Variants in TXNL1 observed in about 807,000 individuals in gnomAD.
The protein encoded by TXNL1 is thioredoxin like 1, also known as thioredoxin-like protein 1.
Under a neutral mutation model 35.5 loss-of-function variants are expected in TXNL1, and 14 were observed. That is an observed-to-expected ratio of 0.39 (90% CI 0.26 to 0.62). TXNL1 has a LOEUF of 0.62. TXNL1 is among the 20% of genes least tolerant of loss of function. The pLI is 0.47. For missense variants in TXNL1, 263 were observed against 349.7 expected (o/e 0.75, Z 1.98); for synonymous variants, 110 against 115.5 (o/e 0.95, Z 0.31).
rs533559584 is a variant in TXNL1, at chr18:56,621,657, A to C, written c.369+2631T>G. Reference sequence around the variant, plus strand: ...TTGCTACCTTTATAATCAACATGCCAATCATGGGAAAATAATCAGGTTAAT... The same window carrying C: ...TTGCTACCTTTATAATCAACATGCCCATCATGGGAAAATAATCAGGTTAAT... On this transcript the variant is annotated intron_variant, in intron 3 of 7. Coordinates refer to ENST00000217515, the MANE Select transcript of TXNL1 (RefSeq NM_004786.3). Among the ~76,000 whole-genome samples the C allele has an allele frequency of 9.8e-5, 15 of 152,338 alleles. No homozygotes were observed. The South Asian group carries it at 3.1e-3, about 32-fold the overall frequency.
intron 1 of TXNL1, among the ~76,000 whole-genome samples, chr18:56,634,057 A>G (rs150553464): frequency 6.6e-6 from 1 of 151,944 alleles, no homozygotes; most frequent in African/African-American, 2.4e-5. Flanking sequence ...AGGGACAACG[A>G]ACGACACAAT....
chr18:56,631,149 G>A (rs1027098701), intron 1 of TXNL1, among the ~76,000 whole-genome samples: 2 of 152,004 alleles, frequency 1.3e-5, no homozygotes, highest in African/African-American at 4.8e-5. Flanking sequence ...CAAAGTACTG[G>A]GATTACAAGT....
At position 56,600,342 on chromosome 18, in the gene TXNL1, C is replaced by G. The variant is rs2023796416; in HGVS notation, c.*2685G>C. Reference sequence around the variant, plus strand: ...CTGGGGAACAATGTGGGGCAGGTTTCAACTCTAATTGTTACGTGGCTGCCT... The same window carrying G: ...CTGGGGAACAATGTGGGGCAGGTTTGAACTCTAATTGTTACGTGGCTGCCT... On this transcript the variant is annotated 3_prime_UTR_variant, in exon 8 of 8. Transcript: ENST00000217515. 3 of 151,610 alleles carry G rather than the reference C, an allele frequency of 2.0e-5. No homozygotes were observed. The South Asian group carries it at 6.3e-4, about 32-fold the overall frequency. 9.4% of individuals were successfully genotyped at this position (151,610 alleles called of 1,614,324 possible).
rs2024120335 is a variant in TXNL1, at chr18:56,618,084, G to A, written c.412C>T (p.Leu138Phe). The change falls in exon 4 of 8, where the codon CTT becomes TTT. Residue 138 changes from leucine to phenylalanine, a missense_variant. Leu to Phe is a conservative substitution (Grantham distance 22, BLOSUM62 0). Coordinates refer to ENST00000217515, the MANE Select transcript of TXNL1 (RefSeq NM_004786.3). The stretch of plus-strand genomic sequence containing the variant: ...AATCCATGCTCATCACTTTCATTAA[G>A]ACATTCACAACCAGCTTTGTTAATA... ...PFINKAGCEC[L>F]NESDEHGFDN... The A allele has an allele frequency of 6.2e-7, 1 of 1,613,582 alleles. No individual in the cohort carries two copies. Among genetic ancestry groups the A allele is most frequent in the Non-Finnish European group, 8.5e-7 (1 of 1,179,868 alleles).
intron 6 of TXNL1, among the ~76,000 whole-genome samples, chr18:56,612,007 C>T (rs2024002511): frequency 6.8e-6 from 1 of 146,266 alleles, no homozygotes; most frequent in South Asian, 2.2e-4. Context: ...TGCTGCCACG[C>T]CCGGCTAATC....
At chr18:56,635,654 G>C (rs142467988) in intron 1 of TXNL1, among the ~76,000 whole-genome samples, 2 of 152,292 alleles carry the variant, frequency 1.3e-5, no homozygotes, top group East Asian at 3.9e-4. Context: ...TGTCCCTTTG[G>C]AGAAGTAAGG....
intron 4 of TXNL1, 85 bp downstream of exon 4, chr18:56,617,919 A>T: frequency 6.6e-7 from 1 of 1,508,916 alleles, no homozygotes; most frequent in Non-Finnish European, 9.1e-7. Context: ...GGAAGGAGAG[A>T]CGTAAGCCAC....
intron 3 of TXNL1, 43 bp from the exon 4 acceptor site, chr18:56,618,169 G>C: frequency 6.3e-7 from 1 of 1,575,654 alleles, no homozygotes; most frequent in Non-Finnish European, 8.6e-7. Flanking sequence ...ATTTGGATTA[G>C]GTATAAAAAT....
chr18:56,633,154 T>A (rs942629801), intron 1 of TXNL1, among the ~76,000 whole-genome samples: 1 of 149,852 alleles, frequency 6.7e-6, no homozygotes, highest in Non-Finnish European at 1.5e-5. Context: ...TCTACAAAAA[T>A]TTTAAAACTT....
intron 1 of TXNL1, among the ~76,000 whole-genome samples, chr18:56,636,478 A>G (rs1000701095): frequency 6.6e-5 from 10 of 152,198 alleles, no homozygotes; most frequent in Admixed American, 6.5e-4. Flanking sequence ...AGGTAAATAC[A>G]ATAATCTTAC....
intron 5 of TXNL1, among the ~76,000 whole-genome samples, chr18:56,615,024 A>G (rs895315628): frequency 6.6e-6 from 1 of 152,254 alleles, no homozygotes; most frequent in African/African-American, 2.4e-5. Context: ...TATAGTTGCC[A>G]ATAGTTGGTA....
In TXNL1 at chr18:56,597,894, A is replaced by G. The variant is rs2023763259; in HGVS notation, c.*5133T>C. On this transcript the variant is annotated 3_prime_UTR_variant, in exon 8 of 8. Transcript: ENST00000217515. The stretch of plus-strand genomic sequence containing the variant: ...TGCTTCTCCTAAGAGCTACTTCTAT[A>G]TTCAATTGTAAAAGTGAGAACCTTG... The G allele has an allele frequency of 6.6e-6, 1 of 152,220 alleles. No homozygotes were observed. The highest frequency in any genetic ancestry group is 2.4e-5 in the African/African-American group (1 of 41,456). 9.4% of individuals were successfully genotyped at this position (152,220 alleles called of 1,614,324 possible). A position where few individuals can be genotyped will look rare whatever the true frequency, so the allele number is the denominator to read the frequency against.
rs555977257 is a variant in TXNL1, at chr18:56,598,817, A to T, written c.*4210T>A. On this transcript the variant is annotated 3_prime_UTR_variant, in exon 8 of 8. Coordinates refer to ENST00000217515, the MANE Select transcript of TXNL1 (RefSeq NM_004786.3). ...ATGTTCCTATTTTTACACAAGAAGA[A>T]ATTTGAGCTCTGAAGGATGTTACTT... The T allele has an allele frequency of 1.3e-5, 2 of 152,312 alleles. No individual in the cohort carries two copies. Among genetic ancestry groups the T allele is most frequent in the East Asian group, 3.9e-4 (2 of 5,176 alleles). The allele number at this position is 152,312 out of a possible 1,614,324, so 9.4% of individuals were successfully genotyped here.
At chr18:56,634,383 C>T (rs945387490) in intron 1 of TXNL1, among the ~76,000 whole-genome samples, 4 of 152,156 alleles carry the variant, frequency 2.6e-5, no homozygotes, top group African/African-American at 9.7e-5. Flanking sequence ...TTTAACCTCT[C>T]TGTGACTCAA....
At chr18:56,615,153 C>A (rs966821179) in intron 5 of TXNL1, among the ~76,000 whole-genome samples, 2 of 151,840 alleles carry the variant, frequency 1.3e-5, no homozygotes, top group African/African-American at 4.8e-5. Flanking sequence ...TGGTAAAGTC[C>A]CATGTATAGA....
chr18:56,627,545 A>C (rs952309670), intron 1 of TXNL1, among the ~76,000 whole-genome samples: 2 of 152,218 alleles, frequency 1.3e-5, no homozygotes, highest in Middle Eastern at 3.2e-3. Context: ...AAAATGATCA[A>C]ATCAGTTTTC....
intron 4 of TXNL1, among the ~76,000 whole-genome samples, chr18:56,616,982 A>T (rs1425749588): frequency 1.3e-5 from 2 of 152,172 alleles, no homozygotes; most frequent in Non-Finnish European, 2.9e-5. Flanking sequence ...CTATGCATCT[A>T]CCCTGGGAAG....
intron 1 of TXNL1, among the ~76,000 whole-genome samples, chr18:56,627,338 T>A (rs2144325648): frequency 6.6e-6 from 1 of 152,348 alleles, no homozygotes; most frequent in South Asian, 2.1e-4. Flanking sequence ...TTACTCAATT[T>A]GATCTTTACA....
chr18:56,598,869 G>C lies in TXNL1; in HGVS notation c.*4158C>G, dbSNP rs747085750. ...CTCAAGATGACACAGCTAACAAGTGGAAGAGCAGGGATTCAAACTTCAGAG... is the reference window on the plus strand; with the variant it reads ...CTCAAGATGACACAGCTAACAAGTGCAAGAGCAGGGATTCAAACTTCAGAG... On this transcript the variant is annotated 3_prime_UTR_variant, in exon 8 of 8. Transcript: ENST00000217515. 6.6e-6 allele frequency: 1 copy of C among 152,180 alleles called. No individual in the cohort carries two copies. The highest frequency in any genetic ancestry group is 1.5e-5 in the Non-Finnish European group (1 of 68,036). The allele number at this position is 152,180 out of a possible 1,614,324, so 9.4% of individuals were successfully genotyped here. A position where few individuals can be genotyped will look rare whatever the true frequency, so the allele number is the denominator to read the frequency against.
Sources: allele counts gnomAD v4.1 joint callset (sites outside exome capture counted in the v4.1 genomes callset), GRCh38; gene constraint gnomAD v4.1.1; transcripts MANE v1.5; gene names NCBI Gene and HGNC (gene_info 2026-07-23, HGNC 2026-07-21).